SLCO6A1: variants seen among roughly 807,000 people sequenced by gnomAD.
The protein encoded by SLCO6A1 is cancer/testis antigen 48.
SLCO6A1 carries 65 observed loss-of-function variants against 72.7 expected under a neutral mutation model. That is an observed-to-expected ratio of 0.89 (90% confidence interval 0.73 to 1.10). The LOEUF (loss-of-function observed/expected upper bound fraction) is 1.10. Among genes scored for constraint, SLCO6A1 ranks in the 50% least tolerant of loss-of-function variants. The pLI, the probability that SLCO6A1 is intolerant of heterozygous loss-of-function variation, is 0.00. For synonymous variants in SLCO6A1, 314 were observed against 298.2 expected, an observed-to-expected ratio of 1.05 and a Z score of -0.55; for missense variants, 874 against 872.6, an observed-to-expected ratio of 1.00 and a Z score of -0.02.
chr5:102,442,387 G>A (rs1005855554), intron 6 of SLCO6A1, among the ~76,000 whole-genome samples: 1 of 152,152 alleles, frequency 6.6e-6, no homozygotes, highest in Non-Finnish European at 1.5e-5. Flanking sequence ...TTCACTATCT[G>A]TAAACGAGAA....
At chr5:102,401,559 A>T (rs1013794600) in intron 9 of SLCO6A1, among the ~76,000 whole-genome samples, 3 of 152,154 alleles carry the variant, frequency 2.0e-5, no homozygotes, top group Non-Finnish European at 4.4e-5. Context: ...CCAGGGTGGT[A>T]ATCAGAGAAA....
chr5:102,469,071 T>C (rs1434277973), intron 4 of SLCO6A1, among the ~76,000 whole-genome samples: 3 of 152,190 alleles, frequency 2.0e-5, no homozygotes, highest in Non-Finnish European at 4.4e-5. Context: ...AGCCTTGTAG[T>C]ATAGTTTGAA....
Position 102,498,871 on chromosome 5 carries a change from C to A in SLCO6A1, c.-27G>T. The A allele has an allele frequency of 6.3e-7, 1 of 1,577,478 alleles. No individual in the cohort carries two copies. Among genetic ancestry groups the A allele is most frequent in the South Asian group, 1.1e-5 (1 of 88,274 alleles). On this transcript the variant is annotated 5_prime_UTR_variant, in exon 1 of 14. Coordinates refer to ENST00000506729, the MANE Select transcript of SLCO6A1 (RefSeq NM_173488.5). ...GCTCACCCTGGGCGGCTCCTGGCGA[C>A]GCGGCCCGAGTGCTCTCGGCTGCCC... is the stretch of plus-strand genomic sequence containing the variant.
intron 4 of SLCO6A1, among the ~76,000 whole-genome samples, chr5:102,467,655 G>A (rs558936170): frequency 4.6e-5 from 7 of 152,080 alleles, no homozygotes; most frequent in African/African-American, 1.7e-4. Flanking sequence ...ATGTTCTTTT[G>A]CATTTGTGTG....
rs80314444 is a variant in SLCO6A1 at position 102,495,194 on chromosome 5, T to C, written c.358+3293A>G. ...TATTAAATTCTAGGAAATGTAAGAC[T>C]CTAATGACAGAAAGTAGGTCAAGGT... On this transcript the variant is annotated intron_variant, in intron 1 of 13. Coordinates refer to ENST00000506729, the MANE Select transcript of SLCO6A1 (RefSeq NM_173488.5). Among the ~76,000 whole-genome samples the C allele has an allele frequency of 1.3e-3, 200 of 152,282 alleles. 5 individuals are homozygous for C. In the East Asian group the frequency reaches 0.032, roughly 24 times the overall value.
intron 12 of SLCO6A1, among the ~76,000 whole-genome samples, chr5:102,378,911 G>T (rs1453506886): frequency 3.3e-5 from 5 of 151,862 alleles, no homozygotes; most frequent in Non-Finnish European, 7.4e-5. Context: ...CCTCCATTTA[G>T]CTGGGGTTAC....
intron 6 of SLCO6A1, among the ~76,000 whole-genome samples, chr5:102,455,996 G>A (rs980349928): frequency 7.2e-5 from 11 of 152,104 alleles, no homozygotes; most frequent in African/African-American, 2.2e-4. Flanking sequence ...GAGAACCAAC[G>A]ACAAAAACCA....
chr5:102,459,929 G>C (rs1750939281), intron 4 of SLCO6A1, 152 bp from the exon 5 acceptor site: 1 of 577,310 alleles, frequency 1.7e-6, no homozygotes, highest in South Asian at 3.3e-5. Flanking sequence ...TGTTACTATT[G>C]TTTGTTTTGT....
At chr5:102,377,440 AAAATCT>A (rs2112473185) in intron 12 of SLCO6A1, among the ~76,000 whole-genome samples, 1 of 152,228 alleles carries the variant, frequency 6.6e-6, no homozygotes, top group Non-Finnish European at 1.5e-5. Flanking sequence ...ATATTTTTTA[AAAATCT>A]GAAAGGAGTC....
intron 7 of SLCO6A1, among the ~76,000 whole-genome samples, chr5:102,422,338 G>A (rs1158554269): frequency 2.0e-5 from 3 of 152,130 alleles, no homozygotes; most frequent in African/African-American, 2.4e-5. Context: ...AGCTAAAGGA[G>A]CACATTCTAA....
At chr5:102,495,475 A>G (rs1389541516) in intron 1 of SLCO6A1, among the ~76,000 whole-genome samples, 2 of 152,050 alleles carry the variant, frequency 1.3e-5, no homozygotes, top group African/African-American at 4.8e-5. Context: ...GGCACCTGTA[A>G]TCCCTACTAC....
Position 102,388,609 on chromosome 5 carries a change from T to C in SLCO6A1, c.2017+79A>G, listed in dbSNP as rs1395291123. On this transcript the variant is annotated intron_variant, in intron 12 of 13. Transcript: ENST00000506729. ...TTATTTAATTCATGGTTTAAAATTA[T>C]AATTCTACATTACTATTAACAACCA... 2.1e-5 allele frequency: 23 copies of C among 1,088,678 alleles called. No individual in the cohort carries two copies. In the Admixed American group the frequency reaches 6.0e-4, roughly 28 times the overall value. The allele number at this position is 1,088,678 out of a possible 1,614,324, so 67.4% of individuals were successfully genotyped here.
Position 102,419,746 on chromosome 5 carries a change from T to C in SLCO6A1, c.1472+80A>G, listed in dbSNP as rs571843287. 3.6e-6 allele frequency: 4 copies of C among 1,111,660 alleles called. No homozygotes were observed. The African/African-American group carries it at 4.9e-5, about 14-fold the overall frequency. The allele number at this position is 1,111,660 out of a possible 1,614,324, so 68.9% of individuals were successfully genotyped here. A position where few individuals can be genotyped will look rare whatever the true frequency, so the allele number is the denominator to read the frequency against. On this transcript the variant is annotated intron_variant, in intron 8 of 13. Coordinates refer to ENST00000506729, the MANE Select transcript of SLCO6A1 (RefSeq NM_173488.5). ...AATTATATGAACATATAAGGGTTAC[T>C]GGATAGATAATTATTAATTGCCTGA... is the stretch of plus-strand genomic sequence containing the variant.
Position 102,391,041 on chromosome 5 carries a change from C to G in SLCO6A1, c.1819G>C (p.Val607Leu). 6.2e-7 allele frequency: 1 copy of G among 1,613,106 alleles called. No individual in the cohort carries two copies. Among genetic ancestry groups the G allele is most frequent in the Non-Finnish European group, 8.5e-7 (1 of 1,179,206 alleles). ...VPIVLAMTRV[V>L]PDKLRSLALG... ...GCCAGAGAACGCAGTTTGTCAGGTA[C>G]AACCCTGAAAGTAAATAGCAATGAT... Residue 607 changes from valine (V) to leucine (L), a missense_variant, in exon 11 of 14, where the codon GTA becomes CTA. Coordinates refer to ENST00000506729, the MANE Select transcript of SLCO6A1 (RefSeq NM_173488.5).
At chr5:102,481,029 A>G (rs535128366) in intron 1 of SLCO6A1, among the ~76,000 whole-genome samples, 2 of 152,306 alleles carry the variant, frequency 1.3e-5, no homozygotes, top group East Asian at 3.9e-4. Flanking sequence ...TCAACATCCA[A>G]CTAGGAAAAA....
At chr5:102,489,401 T>G (rs1288295296) in intron 1 of SLCO6A1, among the ~76,000 whole-genome samples, 1 of 152,096 alleles carries the variant, frequency 6.6e-6, no homozygotes, top group Non-Finnish European at 1.5e-5. Flanking sequence ...AACAATTCAA[T>G]AGCAAAACAA....
intron 12 of SLCO6A1, among the ~76,000 whole-genome samples, chr5:102,380,548 G>A (rs1437266419): frequency 6.6e-6 from 1 of 151,956 alleles, no homozygotes; most frequent in Non-Finnish European, 1.5e-5. Context: ...ATATACTGGA[G>A]TTCATTCTTA....
chr5:102,410,555 T>C (rs1419230714), intron 9 of SLCO6A1, among the ~76,000 whole-genome samples: 3 of 152,194 alleles, frequency 2.0e-5, no homozygotes, highest in Non-Finnish European at 4.4e-5. Context: ...TTGGAGTAGA[T>C]AGTCCATCAT....
chr5:102,411,934 C>A (rs1277452690), intron 9 of SLCO6A1, among the ~76,000 whole-genome samples: 1 of 152,060 alleles, frequency 6.6e-6, no homozygotes, highest in Non-Finnish European at 1.5e-5. Flanking sequence ...GAGTCAACCA[C>A]CTTTTAAAAG....
Sources: gnomAD v4.1 joint callset for allele counts (sites outside exome capture counted in the v4.1 genomes callset) on GRCh38, gnomAD v4.1.1 for gene constraint, MANE v1.5 for transcripts, NCBI Gene and HGNC (gene_info 2026-07-23, HGNC 2026-07-21) for gene names.